The following AP1G1 variants were observed in gnomAD, a reference collection of about 807,000 sequenced individuals.
The protein encoded by AP1G1 is adaptor related protein complex 1 subunit gamma 1, also known as AP-1 complex subunit gamma-1.
In AP1G1, 7 loss-of-function variants were observed where a neutral mutation model predicts 108.3. That is an observed-to-expected ratio of 0.06 (90% CI 0.04 to 0.12). The LOEUF (loss-of-function observed/expected upper bound fraction) is 0.12, where lower values mean the gene tolerates loss of function less well. AP1G1 is among the 10% of genes least tolerant of loss of function. The probability of loss-of-function intolerance (pLI) is 1.00; values close to 1 mark genes in which losing one functional copy is unlikely to be tolerated. For synonymous variants in AP1G1, 379 were observed against 353.5 expected (o/e 1.07, Z -0.81); for missense variants, 756 against 1,010.7 (o/e 0.75, Z 3.42).
At chr16:71,763,719 G>A (rs1241024791) in intron 9 of AP1G1, among the ~76,000 whole-genome samples, 5 of 151,990 alleles carry the variant, frequency 3.3e-5, no homozygotes, top group East Asian at 1.9e-4. Context: ...TAATGCTACC[G>A]ACAAAAAGAA....
intron 1 of AP1G1, among the ~76,000 whole-genome samples, chr16:71,797,197 G>A (rs1203984686): frequency 1.3e-5 from 2 of 151,822 alleles, no homozygotes; most frequent in Non-Finnish European, 2.9e-5. Flanking sequence ...CTCAATTCAA[G>A]AAGTATCATC....
intron 11 of AP1G1, among the ~76,000 whole-genome samples, chr16:71,756,924 C>G (rs2030818298): frequency 7.8e-6 from 1 of 128,068 alleles, no homozygotes. Flanking sequence ...GAGTGAGACT[C>G]TGTCTCAAAA....
chr16:71,781,515 T>C (rs891584608), intron 2 of AP1G1, among the ~76,000 whole-genome samples: 1 of 152,206 alleles, frequency 6.6e-6, no homozygotes, highest in Non-Finnish European at 1.5e-5. Context: ...ATCAGAACCC[T>C]AAACTGCTGC....
At position 71,732,629 on chromosome 16, in the gene AP1G1, C is replaced by T. The variant is rs1353773299; in HGVS notation, c.*429G>A. 6.5e-6 allele frequency: 1 copy of T among 154,912 alleles called. No individual in the cohort carries two copies. Among genetic ancestry groups the T allele is most frequent in the Non-Finnish European group, 1.4e-5 (1 of 69,906 alleles). The allele number at this position is 154,912 out of a possible 1,614,324, so 9.6% of individuals were successfully genotyped here. A position where few individuals can be genotyped will look rare whatever the true frequency, so the allele number is the denominator to read the frequency against. On this transcript the variant is annotated 3_prime_UTR_variant, in exon 23 of 23. Transcript: ENST00000299980. ...ACCCAGCTAGTGAGGAATAAATACC[C>T]CACCTTGCCCAGTCCACAGAGAAAC...
chr16:71,746,811 A>T, intron 16 of AP1G1, 119 bp from the exon 17 acceptor site: 1 of 666,678 alleles, frequency 1.5e-6, no homozygotes, highest in Non-Finnish European at 2.5e-6. Flanking sequence ...ATTTTTTCTT[A>T]ATTTATATAG....
chr16:71,765,640 A>G, intron 6 of AP1G1, 56 bp from the exon 7 acceptor site: 1 of 1,398,124 alleles, frequency 7.2e-7, no homozygotes, highest in Non-Finnish European at 1.0e-6. Flanking sequence ...TGTCTCATGA[A>G]TAAGCAGGTC....
rs1306238313 is a variant in AP1G1, at chr16:71,736,117, AATATATATAT to A, written c.2269-1420_2269-1411del. Among the ~76,000 whole-genome samples the A allele has an allele frequency of 8.0e-3, 575 of 71,520 alleles. 10 individuals carry two copies. Among genetic ancestry groups the A allele is most frequent in the Non-Finnish European group, 9.7e-3 (400 of 41,296 alleles). 46.9% of individuals were successfully genotyped at this position (71,520 alleles called of 152,430 possible). A position where few individuals can be genotyped will look rare whatever the true frequency, so the allele number is the denominator to read the frequency against. ...CCATCTCAAAAAAAAAAAAAAAAAAAATATATATATATATATATATATATATATATGGTCT... is the reference window on the plus strand; with the variant it reads ...CCATCTCAAAAAAAAAAAAAAAAAAAATATATATATATATATATATGGTCT... On this transcript the variant is annotated intron_variant, in intron 21 of 22. Coordinates refer to ENST00000299980, the MANE Select transcript of AP1G1 (RefSeq NM_001128.6).
rs1478828436 is a variant in AP1G1, at chr16:71,748,482, C to A, written c.1498-104G>T. On this transcript the variant is annotated intron_variant, in intron 15 of 22. Coordinates refer to ENST00000299980, the MANE Select transcript of AP1G1 (RefSeq NM_001128.6). ...GAAGCAGCCAGAAAGACAATCCTAC[C>A]GTTACAAAAGCCTCTAACTCAACCT... 4.6e-6 allele frequency: 6 copies of A among 1,315,286 alleles called. No individual in the cohort carries two copies. In the South Asian group the frequency reaches 7.2e-5, roughly 16 times the overall value. The allele number at this position is 1,315,286 out of a possible 1,614,324, so 81.5% of individuals were successfully genotyped here.
At chr16:71,772,120 CT>C (rs956606515) in intron 4 of AP1G1, among the ~76,000 whole-genome samples, 8 of 133,002 alleles carry the variant, frequency 6.0e-5, no homozygotes, top group African/African-American at 2.2e-4. Context: ...GAAAAAATAT[CT>C]TTTTTTCTTT....
intron 12 of AP1G1, among the ~76,000 whole-genome samples, chr16:71,755,583 A>C (rs879174250): frequency 6.6e-6 from 1 of 152,206 alleles, no homozygotes; most frequent in Non-Finnish European, 1.5e-5. Context: ...CTAATTTATA[A>C]TTGAGGGTTT....
chr16:71,802,666 G>T (rs998477534), intron 1 of AP1G1, among the ~76,000 whole-genome samples: 15 of 151,868 alleles, frequency 9.9e-5, no homozygotes, highest in Non-Finnish European at 2.1e-4. Context: ...GGAGGCGGAG[G>T]TTGAGGTGAG....
intron 11 of AP1G1, chr16:71,756,420 C>G (rs1364669474): frequency 3.3e-6 from 1 of 304,406 alleles, no homozygotes; most frequent in East Asian, 5.6e-5. Context: ...TCCAAACATG[C>G]AGCTTGGGTT....
intron 13 of AP1G1, 86 bp from the exon 14 acceptor site, chr16:71,750,418 T>C (rs1426389572): frequency 6.5e-7 from 1 of 1,529,584 alleles, no homozygotes; most frequent in African/African-American, 1.4e-5. Flanking sequence ...TGTGTGTTTT[T>C]TCCTTTCTTT....
chr16:71,758,509 T>G, intron 11 of AP1G1: 1 of 559,346 alleles, frequency 1.8e-6, no homozygotes, highest in Non-Finnish European at 3.5e-6. Flanking sequence ...CTCCACTAGG[T>G]AAACTTTTGC....
At chr16:71,789,551 C>G in intron 1 of AP1G1, 69 bp from the exon 2 acceptor site, 1 of 1,467,404 alleles carries the variant, frequency 6.8e-7, no homozygotes, top group Non-Finnish European at 9.4e-7. Context: ...ACACAACTTC[C>G]CATTTAAATT....
Position 71,739,280 on chromosome 16 carries a change from C to G in AP1G1, c.2061G>C (p.Leu687Phe). 1 of 1,613,106 alleles carries G rather than the reference C, an allele frequency of 6.2e-7. No individual in the cohort carries two copies. Among genetic ancestry groups the G allele is most frequent in the Non-Finnish European group, 8.5e-7 (1 of 1,179,786 alleles). ...GAGGCTGTGATGAAAGCCCATCCAA[C>G]AAGAAGGGGGGCTGGGATATCTGTG... ...SVPQISQPPF[L>F]LDGLSSQPLF... The change falls in exon 20 of 23, where the codon TTG becomes TTC. Residue 687 changes from leucine (L) to phenylalanine (F), a missense_variant. Leu to Phe is a conservative substitution (Grantham distance 22). Transcript: ENST00000299980.
intron 2 of AP1G1, among the ~76,000 whole-genome samples, chr16:71,785,350 T>C (rs1419168841): frequency 1.4e-5 from 2 of 145,326 alleles, no homozygotes; most frequent in Admixed American, 1.4e-4. Context: ...GCCAAGACGG[T>C]GGATCATTTG....
Position 71,729,914 on chromosome 16 carries a change from A to G in AP1G1, c.*3144T>C, listed in dbSNP as rs577708252. 2.6e-5 allele frequency: 4 copies of G among 152,734 alleles called. No individual in the cohort carries two copies. In the South Asian group the frequency reaches 8.3e-4, roughly 32 times the overall value. 9.5% of individuals were successfully genotyped at this position (152,734 alleles called of 1,614,324 possible). On this transcript the variant is annotated 3_prime_UTR_variant, in exon 23 of 23. Transcript: ENST00000299980. ...TATTTTCCAATGCAGAAGATAATGA[A>G]GTTGAACCTTGAAAGCAGTACTCCC... is the stretch of plus-strand genomic sequence containing the variant.
At chr16:71,797,810 G>T (rs115273038) in intron 1 of AP1G1, among the ~76,000 whole-genome samples, 1,751 of 151,872 alleles carry the variant, frequency 0.012, 33 homozygotes, top group African/African-American at 0.04. Context: ...AAAAAAAAAA[G>T]TTACTTAATA....
Sources: allele counts gnomAD v4.1 joint callset (sites outside exome capture counted in the v4.1 genomes callset), GRCh38; gene constraint gnomAD v4.1.1; transcripts MANE v1.5; gene names NCBI Gene and HGNC (gene_info 2026-07-23, HGNC 2026-07-21).